Variants in CEP128 observed in about 807,000 individuals in gnomAD.
CEP128 encodes the protein centrosomal protein 128, also known as centrosomal protein 128kDa.
In CEP128, 132 loss-of-function variants were observed where a neutral mutation model predicts 156.7. The ratio of observed to expected loss-of-function variants is 0.84; its 90% CI spans 0.73 to 0.97. CEP128 has a LOEUF of 0.97. Among genes scored for constraint, CEP128 ranks in the 50% least tolerant of loss-of-function variants. The pLI is 0.00. For synonymous variants in CEP128, 469 were observed against 448.9 expected (o/e 1.04, Z -0.57); for missense variants, 1,252 against 1,281.9 (o/e 0.98, Z 0.36).
chr14:80,859,569 TA>T (rs1491517885), intron 9 of CEP128, among the ~76,000 whole-genome samples: 3 of 147,398 alleles, frequency 2.0e-5, no homozygotes, highest in East Asian at 3.9e-4. Flanking sequence ...AATTAATTTT[TA>T]AAAAAAAGAA....
chr14:80,710,543 T>C (rs1224664198), intron 19 of CEP128, among the ~76,000 whole-genome samples: 2 of 152,126 alleles, frequency 1.3e-5, no homozygotes, highest in Non-Finnish European at 2.9e-5. Flanking sequence ...TATTTATAAG[T>C]ATTAAAGAAA....
intron 20 of CEP128, among the ~76,000 whole-genome samples, chr14:80,562,029 G>A (rs1188250346): frequency 5.3e-5 from 8 of 151,570 alleles, no homozygotes; most frequent in South Asian, 2.1e-4. Context: ...CCAAGTTCAC[G>A]CCATTCTCCT....
intron 8 of CEP128, among the ~76,000 whole-genome samples, chr14:80,875,691 G>A (rs994605937): frequency 1.3e-5 from 2 of 152,204 alleles, no homozygotes; most frequent in Non-Finnish European, 2.9e-5. Context: ...CAGTTGAAGA[G>A]AGATTAAGTT....
intron 19 of CEP128, among the ~76,000 whole-genome samples, chr14:80,611,173 A>G (rs1892980091): frequency 6.6e-6 from 1 of 152,098 alleles, no homozygotes; most frequent in Non-Finnish European, 1.5e-5. Context: ...ATGTTTGAAA[A>G]ACTATAAGAT....
intron 23 of CEP128, among the ~76,000 whole-genome samples, chr14:80,521,041 C>T (rs981657041): frequency 7.0e-6 from 1 of 142,238 alleles, no homozygotes; most frequent in Non-Finnish European, 1.5e-5. Context: ...AAGGGTTTCA[C>T]CATGTTAGCC....
At chr14:80,622,259 T>C (rs750677689) in intron 19 of CEP128, among the ~76,000 whole-genome samples, 14 of 152,306 alleles carry the variant, frequency 9.2e-5, no homozygotes, top group Non-Finnish European at 1.3e-4. Context: ...TTATTTTTCA[T>C]TGAGATGAAC....
At chr14:80,715,358 C>A in intron 19 of CEP128, among the ~76,000 whole-genome samples, 1 of 152,244 alleles carries the variant, frequency 6.6e-6, no homozygotes, top group Middle Eastern at 3.4e-3. Flanking sequence ...TATATAAAAT[C>A]CTATTCTCCC....
intron 9 of CEP128, 51 bp from the exon 10 acceptor site, chr14:80,840,819 A>T: frequency 9.2e-7 from 1 of 1,090,410 alleles, no homozygotes; most frequent in Non-Finnish European, 1.4e-6. Context: ...TACAAAACTG[A>T]AAGTCACTAC....
intron 13 of CEP128, among the ~76,000 whole-genome samples, chr14:80,810,654 A>T (rs61979452): frequency 6.6e-6 from 1 of 151,898 alleles, no homozygotes; most frequent in South Asian, 2.1e-4. Flanking sequence ...GGTCTTGTAC[A>T]ATGCATTAGT....
At chr14:80,943,010 C>T (rs565324636), upstream of CEP128, among the ~76,000 whole-genome samples, 1 of 152,294 alleles carries the variant, frequency 6.6e-6, no homozygotes, top group South Asian at 2.1e-4. Context: ...AAGCTGCTTA[C>T]TTGAAATTGT....
rs74064592 is a variant in CEP128, at chr14:80,842,674, A to C, written c.763-1906T>G. Among the ~76,000 whole-genome samples the C allele has an allele frequency of 5.3e-3, 799 of 152,016 alleles. 11 individuals are homozygous for C. Among genetic ancestry groups the C allele is most frequent in the African/African-American group, 0.019 (773 of 41,508 alleles). ...TAAGCCTGCACTGGATTTCTTTTCC[A>C]TTTGACTTAAATCAAGCAACTTAGA... On this transcript the variant is annotated intron_variant, in intron 9 of 24. Transcript: ENST00000555265.
intron 13 of CEP128, among the ~76,000 whole-genome samples, chr14:80,829,043 C>A (rs1885639668): frequency 3.9e-5 from 6 of 152,126 alleles, no homozygotes. Flanking sequence ...ACAAAGTCTG[C>A]ACGAAACATG....
upstream of CEP128, among the ~76,000 whole-genome samples, chr14:80,943,357 A>G (rs1886243028): frequency 6.6e-6 from 1 of 152,232 alleles, no homozygotes; most frequent in Non-Finnish European, 1.5e-5. Context: ...TAAAAGAGAA[A>G]CTTTCTGAAG....
At chr14:80,478,266 T>C (rs767765007) in exon 15 of CEP128, 1 of 151,910 alleles carries the variant, frequency 6.6e-6, no homozygotes, top group Non-Finnish European at 1.5e-5. Flanking sequence ...GGCTGCTCTT[T>C]GTTCCCTCTC....
intron 9 of CEP128, among the ~76,000 whole-genome samples, chr14:80,844,541 G>A (rs983653746): frequency 2.0e-5 from 3 of 152,034 alleles, no homozygotes; most frequent in African/African-American, 7.2e-5. Flanking sequence ...CGATGGAAAT[G>A]GTAAGCACAT....
At chr14:80,729,057 GGGTGTGTGTGTGTGTGT>G (rs1324199586) in intron 19 of CEP128, among the ~76,000 whole-genome samples, 2 of 102,170 alleles carry the variant, frequency 2.0e-5, no homozygotes, top group Non-Finnish European at 3.4e-5. Context: ...GGGCTGGTGG[GGGTGTGTGTGTGTGTGT>G]GTGTGTGTGT....
intron 19 of CEP128, among the ~76,000 whole-genome samples, chr14:80,699,599 A>C: frequency 6.6e-6 from 1 of 152,218 alleles, no homozygotes; most frequent in East Asian, 1.9e-4. Context: ...TCAGATTATT[A>C]GAACCACACC....
chr14:80,643,189 G>A (rs546391385), intron 19 of CEP128, among the ~76,000 whole-genome samples: 2 of 152,210 alleles, frequency 1.3e-5, no homozygotes, highest in African/African-American at 4.8e-5. Context: ...AAAATCAAGT[G>A]GCAAAAAACA....
In CEP128 at chr14:80,864,391, A is replaced by G. The variant is rs118080345; in HGVS notation, c.646-1518T>C. Among the ~76,000 whole-genome samples, 13 of 152,320 alleles carry G rather than the reference A, an allele frequency of 8.5e-5. No homozygotes were observed. In the East Asian group the frequency reaches 2.3e-3, roughly 27 times the overall value. The stretch of plus-strand genomic sequence containing the variant: ...AAATTCAATAAGTTGAATGACTTCT[A>G]TATTTCAGAAAAGAAGGCTGCTCTT... On this transcript the variant is annotated intron_variant, in intron 8 of 24. Coordinates refer to ENST00000555265, the MANE Select transcript of CEP128 (RefSeq NM_152446.5).
Sources: allele counts gnomAD v4.1 joint callset (sites outside exome capture counted in the v4.1 genomes callset), GRCh38; gene constraint gnomAD v4.1.1; transcripts MANE v1.5; gene names NCBI Gene and HGNC (gene_info 2026-07-23, HGNC 2026-07-21).